SLC11A2: variants seen among roughly 807,000 people sequenced by gnomAD.
SLC11A2 encodes the protein solute carrier family 11 member 2.
A neutral mutation model predicts 68.0 loss-of-function variants in SLC11A2; 38 were observed. That is an observed-to-expected ratio of 0.56 (90% CI 0.43 to 0.73). The LOEUF (loss-of-function observed/expected upper bound fraction) is 0.73, where lower values mean the gene tolerates loss of function less well. SLC11A2 is among the 30% of genes least tolerant of loss of function. SLC11A2 has a pLI of 0.00. For missense variants in SLC11A2, 517 were observed against 690.5 expected, an observed-to-expected ratio of 0.75 and a Z score of 2.82; for synonymous variants, 242 against 250.6, an observed-to-expected ratio of 0.97 and a Z score of 0.32.
intron 1 of SLC11A2, among the ~76,000 whole-genome samples, chr12:51,022,831 A>T (rs992715248): frequency 5.9e-5 from 9 of 152,210 alleles, no homozygotes; most frequent in Non-Finnish European, 1.3e-4. Flanking sequence ...GATGAGACCA[A>T]AACAAACACA....
chr12:51,005,770 G>A (rs1942668967), intron 3 of SLC11A2: 7 of 1,017,370 alleles, frequency 6.9e-6, no homozygotes, highest in Non-Finnish European at 9.4e-6. Context: ...CAAGCCAGGT[G>A]TGGTGCTGTG....
intron 1 of SLC11A2, among the ~76,000 whole-genome samples, chr12:51,020,847 T>C (rs540271661): frequency 6.6e-6 from 1 of 152,350 alleles, no homozygotes; most frequent in African/African-American, 2.4e-5. Flanking sequence ...CTCACACCTG[T>C]AATCCCAGCA....
In SLC11A2 at chr12:50,994,599, T is replaced by G. The variant is rs747088305; in HGVS notation, c.1022A>C (p.His341Pro). 6.2e-7 allele frequency: 1 copy of G among 1,612,494 alleles called. No individual in the cohort carries two copies. The highest frequency in any genetic ancestry group is 2.2e-5 in the East Asian group (1 of 44,878). ...GTTATCTTTAGGAAAGAGGCCAGCA[T>G]GAGGACTGCTGGTATTTGTACAGAC... is the stretch of plus-strand genomic sequence containing the variant. ...VEVCTNTSSP[H>P]AGLFPKDNST... Residue 341 changes from histidine to proline, a missense_variant, in exon 11 of 16, where the codon CAT becomes CCT. Transcript: ENST00000262052.
chr12:51,020,572 T>C (rs1231275577), intron 1 of SLC11A2, among the ~76,000 whole-genome samples: 2 of 152,316 alleles, frequency 1.3e-5, no homozygotes, highest in East Asian at 3.9e-4. Context: ...GCTGCTATTA[T>C]ACAATGCGCT....
chr12:50,979,236 T>C (rs1460615199), downstream of SLC11A2, among the ~76,000 whole-genome samples: 2 of 152,192 alleles, frequency 1.3e-5, no homozygotes, highest in Non-Finnish European at 2.9e-5. Context: ...CTCTACTGGC[T>C]TTGACATGAT....
At chr12:50,983,899 G>A (rs1425322728), downstream of SLC11A2, among the ~76,000 whole-genome samples, 1 of 151,654 alleles carries the variant, frequency 6.6e-6, no homozygotes, top group Non-Finnish European at 1.5e-5. Context: ...ACCTGGGAAG[G>A]GAAGGTTGCA....
intron 2 of SLC11A2, chr12:51,009,184 C>G (rs1484926805): frequency 6.7e-7 from 1 of 1,500,734 alleles, no homozygotes; most frequent in Admixed American, 2.2e-5. Flanking sequence ...TTACAAAATC[C>G]TGCCACAGTT....
chr12:50,971,096 T>G, the SLC11A2 span, among the ~76,000 whole-genome samples: 1 of 152,114 alleles, frequency 6.6e-6, no homozygotes, highest in Non-Finnish European at 1.5e-5. Context: ...GCCAGGCTGG[T>G]CTCGAACTCC....
downstream of SLC11A2, chr12:50,981,347 TA>T (rs201850310): frequency 5.5e-3 from 824 of 151,158 alleles, 8 homozygotes; most frequent in African/African-American, 0.016. Flanking sequence ...AAACAATATT[TA>T]AAAAAAAAAT....
intron 1 of SLC11A2, among the ~76,000 whole-genome samples, chr12:51,025,391 A>T (rs1297975335): frequency 6.6e-6 from 1 of 152,222 alleles, no homozygotes; most frequent in Non-Finnish European, 1.5e-5. Flanking sequence ...CGTGGAACAA[A>T]AGAAGAAAGA....
At chr12:51,003,817 G>A (rs1942487690) in intron 5 of SLC11A2, among the ~76,000 whole-genome samples, 1 of 151,450 alleles carries the variant, frequency 6.6e-6, no homozygotes, top group South Asian at 2.1e-4. Context: ...GTGCTCGCCT[G>A]TGGTCCCAGC....
At chr12:50,979,635 G>C, downstream of SLC11A2, 1 of 338,352 alleles carries the variant, frequency 3.0e-6, no homozygotes, top group South Asian at 2.4e-5. Flanking sequence ...AGATCAGAAG[G>C]ACTCTATAGC....
intron 3 of SLC11A2, chr12:51,006,387 C>T (rs1204379772): frequency 6.5e-6 from 1 of 153,878 alleles, no homozygotes; most frequent in East Asian, 1.9e-4. Context: ...TGCTAAATTC[C>T]AACCTGACTC....
At chr12:50,973,149 C>T in the SLC11A2 span, among the ~76,000 whole-genome samples, 1 of 152,184 alleles carries the variant, frequency 6.6e-6, no homozygotes, top group East Asian at 1.9e-4. Flanking sequence ...AGCAGTGGTT[C>T]TCCCAGCACG....
At chr12:51,025,861 G>A (rs1944348210) in intron 1 of SLC11A2, 3 of 988,258 alleles carry the variant, frequency 3.0e-6, no homozygotes, top group African/African-American at 1.7e-5. Flanking sequence ...GTTGAAGCGG[G>A]GCGGCGGGAG....
downstream of SLC11A2, among the ~76,000 whole-genome samples, chr12:50,985,173 A>G (rs984027178): frequency 5.3e-5 from 8 of 152,206 alleles, no homozygotes; most frequent in African/African-American, 1.7e-4. Context: ...AGAGAAGCTG[A>G]CAGATTTAGA....
At chr12:51,027,670 A>T (rs1190443334), upstream of SLC11A2, among the ~76,000 whole-genome samples, 1 of 151,990 alleles carries the variant, frequency 6.6e-6, no homozygotes, top group East Asian at 1.9e-4. Context: ...CTAACAAATT[A>T]CCGTAATTTT....
intron 1 of SLC11A2, among the ~76,000 whole-genome samples, chr12:51,016,490 T>C (rs908973163): frequency 5.3e-5 from 8 of 151,734 alleles, no homozygotes; most frequent in African/African-American, 1.9e-4. Flanking sequence ...GAGACCAGCC[T>C]GGCCAACATG....
chr12:50,987,028 GTGATT>G lies in SLC11A2; in HGVS notation c.*1292_*1296del. 7.8e-7 allele frequency: 1 copy of G among 1,286,110 alleles called. No homozygotes were observed. The highest frequency in any genetic ancestry group is 1.5e-5 in the African/African-American group (1 of 65,880). The allele number at this position is 1,286,110 out of a possible 1,614,324, so 79.7% of individuals were successfully genotyped here. A position where few individuals can be genotyped will look rare whatever the true frequency, so the allele number is the denominator to read the frequency against. The stretch of plus-strand genomic sequence containing the variant: ...GTTTTGATTATTTATCTCCATCAAA[GTGATT>G]TGATTTGAGATAATCACACAATCTC... On this transcript the variant is annotated 3_prime_UTR_variant, in exon 16 of 16. Transcript: ENST00000262052.
Sources: gnomAD v4.1 joint callset for allele counts (sites outside exome capture counted in the v4.1 genomes callset) on GRCh38, gnomAD v4.1.1 for gene constraint, MANE v1.5 for transcripts, NCBI Gene and HGNC (gene_info 2026-07-23, HGNC 2026-07-21) for gene names.